Variants in KLF17 observed in about 807,000 individuals in gnomAD.
The protein encoded by KLF17 is KLF transcription factor 17, also known as Krueppel-like factor 17.
Under a neutral mutation model 34.2 loss-of-function variants are expected in KLF17, and 31 were observed. The observed-to-expected ratio is 0.91, with a 90% CI of 0.68 to 1.22. KLF17 has a LOEUF of 1.22. Ranked by LOEUF, KLF17 falls within the 50% of genes most tolerant of loss-of-function variation. The pLI is 0.00. For synonymous variants in KLF17, 179 were observed against 186.7 expected, an observed-to-expected ratio of 0.96 and a Z score of 0.34; for missense variants, 478 against 505.2, an observed-to-expected ratio of 0.95 and a Z score of 0.52.
chr1:44,068,309 C>T, the KLF17 span, among the ~76,000 whole-genome samples: 7 of 152,200 alleles, frequency 4.6e-5, no homozygotes, highest in East Asian at 1.9e-4. Flanking sequence ...TGAGCCACTG[C>T]GCCCAGCCCC....
At chr1:44,080,278 G>A in the KLF17 span, among the ~76,000 whole-genome samples, 1 of 125,194 alleles carries the variant, frequency 8.0e-6, no homozygotes, top group Admixed American at 1.1e-4. Flanking sequence ...TTGCTCTGTC[G>A]TCCAGGCTGG....
At chr1:44,085,053 A>C in the KLF17 span, among the ~76,000 whole-genome samples, 1 of 151,832 alleles carries the variant, frequency 6.6e-6, no homozygotes, top group South Asian at 2.1e-4. Context: ...CTGTTCATTC[A>C]TTCAGTGAAT....
chr1:44,131,830 G>T (rs2088112533), intron 3 of KLF17, among the ~76,000 whole-genome samples: 1 of 152,150 alleles, frequency 6.6e-6, no homozygotes, highest in Non-Finnish European at 1.5e-5. Context: ...GAATAGCTGG[G>T]ATTACAGGCA....
the KLF17 span, among the ~76,000 whole-genome samples, chr1:44,099,580 G>A: frequency 2.6e-5 from 4 of 151,150 alleles, no homozygotes; most frequent in East Asian, 3.9e-4. Context: ...AGGCCAAGGC[G>A]GGTGAATCAG....
chr1:44,090,804 T>TGCTATAACCAGTGAGTACCCAGGGG, the KLF17 span, among the ~76,000 whole-genome samples: 1 of 151,610 alleles, frequency 6.6e-6, no homozygotes, highest in Non-Finnish European at 1.5e-5. Context: ...AATCAAAAGG[T>TGCTATAACCAGTGAGTACCCAGGGG]GCTATAACCA....
the KLF17 span, among the ~76,000 whole-genome samples, chr1:44,064,833 G>T: frequency 6.6e-6 from 1 of 152,094 alleles, no homozygotes; most frequent in Non-Finnish European, 1.5e-5. Flanking sequence ...TGAGTAAAAC[G>T]TTATAATAAT....
chr1:44,066,816 T>C, the KLF17 span, among the ~76,000 whole-genome samples: 2 of 152,112 alleles, frequency 1.3e-5, no homozygotes, highest in African/African-American at 2.4e-5. Context: ...TACTCACACA[T>C]GGAATATGAC....
upstream of KLF17, among the ~76,000 whole-genome samples, chr1:44,118,390 A>G (rs2087903256): frequency 6.6e-6 from 1 of 152,228 alleles, no homozygotes; most frequent in African/African-American, 2.4e-5. Context: ...AGAGGTGCAC[A>G]GACTGTAGCA....
chr1:44,130,395 C>T, intron 2 of KLF17, 117 bp from the exon 3 acceptor site: 1 of 1,440,398 alleles, frequency 6.9e-7, no homozygotes, highest in Non-Finnish European at 9.6e-7. Flanking sequence ...TGTTGCCCCT[C>T]CCTGGTTCCC....
the KLF17 span, among the ~76,000 whole-genome samples, chr1:44,054,552 C>T: frequency 3.5e-5 from 5 of 144,072 alleles, no homozygotes; most frequent in Admixed American, 3.6e-4. Flanking sequence ...GTGATCTCAG[C>T]TCACTGCAAG....
chr1:44,123,255 T>A (rs1172155728), intron 1 of KLF17, among the ~76,000 whole-genome samples: 2 of 151,766 alleles, frequency 1.3e-5, no homozygotes, highest in Admixed American at 1.3e-4. Flanking sequence ...AAATGGGGGG[T>A]CTCACCATGT....
At chr1:44,067,444 G>A in the KLF17 span, among the ~76,000 whole-genome samples, 62 of 152,352 alleles carry the variant, frequency 4.1e-4, no homozygotes, top group Non-Finnish European at 6.8e-4. Context: ...CCCGAGAACA[G>A]AGTCTGACAT....
At chr1:44,116,814 CCTT>C (rs1179646304), upstream of KLF17, among the ~76,000 whole-genome samples, 1 of 152,188 alleles carries the variant, frequency 6.6e-6, no homozygotes, top group Non-Finnish European at 1.5e-5. Context: ...ACTCTAATGG[CCTT>C]CTAACTACCA....
At chr1:44,078,080 G>T in the KLF17 span, among the ~76,000 whole-genome samples, 1 of 152,126 alleles carries the variant, frequency 6.6e-6, no homozygotes, top group Non-Finnish European at 1.5e-5. Flanking sequence ...GATGACTTTT[G>T]TTGAACAGAA....
chr1:44,087,810 A>C, the KLF17 span: 1 of 144,792 alleles, frequency 6.9e-6, no homozygotes, highest in Non-Finnish European at 1.5e-5. Context: ...ACGCATATAT[A>C]AACACACACA....
At chr1:44,124,435 T>C (rs1571987200) in intron 1 of KLF17, among the ~76,000 whole-genome samples, 1 of 151,776 alleles carries the variant, frequency 6.6e-6, no homozygotes, top group Non-Finnish European at 1.5e-5. Context: ...GTTCAAGTGA[T>C]TCTCCTGCCT....
chr1:44,053,538 C>T, the KLF17 span, among the ~76,000 whole-genome samples: 1 of 152,182 alleles, frequency 6.6e-6, no homozygotes, highest in Non-Finnish European at 1.5e-5. Context: ...TCCAACAGGT[C>T]CTGGCCCATA....
the KLF17 span, chr1:44,103,322 T>G: frequency 1.4e-6 from 1 of 733,980 alleles, no homozygotes; most frequent in Non-Finnish European, 2.5e-6. Context: ...GGGCAGGACG[T>G]CAAAGGACTC....
chr1:44,065,015 G>A, the KLF17 span, among the ~76,000 whole-genome samples: 3 of 152,172 alleles, frequency 2.0e-5, no homozygotes, highest in East Asian at 1.9e-4. Context: ...TAGGCTGGGC[G>A]TGGTGGCTCA....
Sources: allele counts gnomAD v4.1 joint callset (sites outside exome capture counted in the v4.1 genomes callset), GRCh38; gene constraint gnomAD v4.1.1; transcripts MANE v1.5; gene names NCBI Gene and HGNC (gene_info 2026-07-23, HGNC 2026-07-21).